The following TINAGL1 variants were observed in gnomAD, a reference collection of about 807,000 sequenced individuals.
TINAGL1 encodes the protein tubulointerstitial nephritis antigen-like.
TINAGL1 carries 34 observed loss-of-function variants against 62.0 expected under a neutral mutation model. The ratio of observed to expected loss-of-function variants is 0.55; its 90% CI spans 0.42 to 0.73. The LOEUF is 0.73. Among genes scored for constraint, TINAGL1 ranks in the 30% least tolerant of loss-of-function variants. The pLI is 0.00. For synonymous variants in TINAGL1, 221 were observed against 249.7 expected (o/e 0.88, Z 1.08); for missense variants, 516 against 653.2 (o/e 0.79, Z 2.29).
chr1:31,579,142 C>A, intron 2 of TINAGL1, 62 bp from the exon 3 acceptor site: 1 of 1,391,758 alleles, frequency 7.2e-7, no homozygotes, highest in Non-Finnish European at 1.0e-6. Flanking sequence ...CTCCAAGGAC[C>A]TGGCCAATTA....
rs781646136 is a variant in TINAGL1, at chr1:31,585,132, C to T, written c.858-19C>T. The T allele has an allele frequency of 1.9e-6, 3 of 1,564,900 alleles. No individual in the cohort carries two copies. The highest frequency in any genetic ancestry group is 2.6e-6 in the Non-Finnish European group (3 of 1,152,252). On this transcript the variant is annotated intron_variant, in intron 7 of 11. Transcript: ENST00000271064. The surrounding 1 kb of genome is among the most constrained non-coding windows in gnomAD (Gnocchi z 4.3). Reference sequence around the variant, plus strand: ...GCACTGAGTCTTTCTGCCTTTGCTCCCTCTTGCTGCCTTTGCAGGGTGGTG... The same window carrying T: ...GCACTGAGTCTTTCTGCCTTTGCTCTCTCTTGCTGCCTTTGCAGGGTGGTG...
At chr1:31,580,323 C>T (rs1175860902) in intron 3 of TINAGL1, 1 of 1,271,484 alleles carries the variant, frequency 7.9e-7, no homozygotes, top group Non-Finnish European at 1.0e-6. Flanking sequence ...CTACCACCGG[C>T]CCTGCCTGGA....
At chr1:31,580,114 C>T (rs1048641680) in intron 3 of TINAGL1, among the ~76,000 whole-genome samples, 2 of 149,982 alleles carry the variant, frequency 1.3e-5, no homozygotes, top group South Asian at 2.1e-4. Flanking sequence ...GCCTGGCCCG[C>T]GTCTGCAGGT....
chr1:31,578,644 T>C (rs113192613), intron 2 of TINAGL1, among the ~76,000 whole-genome samples: 5 of 135,558 alleles, frequency 3.7e-5, no homozygotes, highest in East Asian at 2.5e-4. Context: ...ATAGTTTAAT[T>C]TCAGTGAGAG....
Position 31,585,412 on chromosome 1 carries a change from T to C in TINAGL1, c.1048-28T>C. On this transcript the variant is annotated intron_variant, in intron 8 of 11. Transcript: ENST00000271064. The surrounding 1 kb of genome is among the most constrained non-coding windows in gnomAD (Gnocchi z 4.3). Reference sequence around the variant, plus strand: ...AGCCTGGAGTCTCACCCCTGACGTATGCTCTCTGTCCATCCCCTGCCCTCC... The same window carrying C: ...AGCCTGGAGTCTCACCCCTGACGTACGCTCTCTGTCCATCCCCTGCCCTCC... The C allele has an allele frequency of 1.2e-6, 2 of 1,613,448 alleles. No individual in the cohort carries two copies. Among genetic ancestry groups the C allele is most frequent in the Non-Finnish European group, 1.7e-6 (2 of 1,179,654 alleles).
intron 3 of TINAGL1, chr1:31,580,187 C>CTA (rs1557557742): frequency 2.4e-6 from 1 of 417,506 alleles, no homozygotes; most frequent in Non-Finnish European, 3.2e-6. Flanking sequence ...CTCTCTCTCT[C>CTA]TCTCTCTCTC....
At chr1:31,586,671 A>G (rs1267569777) in intron 10 of TINAGL1, 39 bp from the exon 11 acceptor site, 9 of 1,554,688 alleles carry the variant, frequency 5.8e-6, no homozygotes, top group Admixed American at 3.9e-5. Context: ...GAGAGCAGGT[A>G]GACCCAGCTC....
chr1:31,580,787 A>G, intron 3 of TINAGL1: 9 of 1,204,066 alleles, frequency 7.5e-6, no homozygotes, highest in Non-Finnish European at 8.5e-6. Flanking sequence ...TTCAGTCGGC[A>G]CCTATTATTA....
chr1:31,586,695 C>T lies in TINAGL1; in HGVS notation c.1218-15C>T, dbSNP rs1162321424. 6.4e-7 allele frequency: 1 copy of T among 1,557,420 alleles called. No individual in the cohort carries two copies. The highest frequency in any genetic ancestry group is 8.7e-7 in the Non-Finnish European group (1 of 1,150,146). ...TAGACCCAGCTCCCTTCCCCCTCCT[C>T]TGCTCTGCCCACAGATGGGGAGAGG... On this transcript the variant is annotated splice_polypyrimidine_tract_variant and intron_variant, in intron 10 of 11. Coordinates refer to ENST00000271064, the MANE Select transcript of TINAGL1 (RefSeq NM_022164.3).
chr1:31,586,977 T>C lies in TINAGL1; in HGVS notation c.1402T>C (p.Ter468ArgextTer140), dbSNP rs1327954109. ...GGGCATGGAGGACATGGGTCATCAC[T>C]GAGGCTGCGGGCACCACGCGGGGTC... ...RVGMEDMGHH[*>R] is the part of the protein sequence containing the mutation. Residue 468 changes from the stop codon to arginine (R), a stop_lost, in exon 12 of 12, where the codon TGA (stop) becomes CGA (arginine). Coordinates refer to ENST00000271064, the MANE Select transcript of TINAGL1 (RefSeq NM_022164.3). The C allele has an allele frequency of 2.0e-6, 3 of 1,493,052 alleles. No homozygotes were observed. The highest frequency in any genetic ancestry group is 2.7e-6 in the Non-Finnish European group (3 of 1,124,996). The allele number at this position is 1,493,052 out of a possible 1,614,324, so 92.5% of individuals were successfully genotyped here.
chr1:31,587,134 C>G lies in TINAGL1; in HGVS notation c.*155C>G. The G allele has an allele frequency of 2.6e-6, 3 of 1,176,346 alleles. No individual in the cohort carries two copies. Among genetic ancestry groups the G allele is most frequent in the Non-Finnish European group, 3.3e-6 (3 of 922,728 alleles). 72.9% of individuals were successfully genotyped at this position (1,176,346 alleles called of 1,614,324 possible). A position where few individuals can be genotyped will look rare whatever the true frequency, so the allele number is the denominator to read the frequency against. On this transcript the variant is annotated 3_prime_UTR_variant, in exon 12 of 12. Coordinates refer to ENST00000271064, the MANE Select transcript of TINAGL1 (RefSeq NM_022164.3). ...CCCGGCGCGGGTTCCGCTGACGCAG[C>G]GCCCCGCCTGGGAGCCGCGGGCAGG... is the stretch of plus-strand genomic sequence containing the variant.
Position 31,585,724 on chromosome 1 carries a change from G to A in TINAGL1, c.1094-29G>A, listed in dbSNP as rs1168673574. ...TCCAGTGCCTGTGCCAACGGGCTGAGTGGACCCTACCTTGACATCTGCCCA... is the reference window on the plus strand; with the variant it reads ...TCCAGTGCCTGTGCCAACGGGCTGAATGGACCCTACCTTGACATCTGCCCA... On this transcript the variant is annotated intron_variant, in intron 9 of 11. Transcript: ENST00000271064. The surrounding 1 kb of genome is among the most constrained non-coding windows in gnomAD (Gnocchi z 4.3). 2.5e-6 allele frequency: 4 copies of A among 1,606,414 alleles called. No individual in the cohort carries two copies. Among genetic ancestry groups the A allele is most frequent in the African/African-American group, 2.7e-5 (2 of 74,776 alleles).
intron 10 of TINAGL1, chr1:31,586,110 A>T: frequency 2.2e-6 from 1 of 449,650 alleles, no homozygotes; most frequent in African/African-American, 2.0e-5. Context: ...GGATAAAATA[A>T]CTCCAATATG....
intron 3 of TINAGL1, among the ~76,000 whole-genome samples, chr1:31,581,377 G>C (rs931799923): frequency 1.3e-5 from 2 of 152,166 alleles, no homozygotes; most frequent in African/African-American, 4.8e-5. Context: ...GACGGGAGTA[G>C]GGTGGCCACA....
rs1639002960 is a variant in TINAGL1 at position 31,577,270 on chromosome 1, GGGACGCGGGAGGCCGGTACTGCCA to G, written c.126_149del (p.Asp42_Gln49del). On this transcript the variant is annotated inframe_deletion, in exon 2 of 12. Coordinates refer to ENST00000271064, the MANE Select transcript of TINAGL1 (RefSeq NM_022164.3). This position sits in a 1 kb window ranked among gnomAD's most constrained non-coding sequence, Gnocchi z 5.4. ...CCGGGTCTGCACCTGCGGGGCATCC[GGGACGCGGGAGGCCGGTACTGCCA>G]GGAGCAGGACCTGTGCTGCCGCGGC... 6.2e-7 allele frequency: 1 copy of G among 1,611,774 alleles called. No homozygotes were observed. The highest frequency in any genetic ancestry group is 1.3e-5 in the African/African-American group (1 of 74,926).
At position 31,585,279 on chromosome 1, in the gene TINAGL1, A is replaced by G. The variant is rs764799835; in HGVS notation, c.986A>G (p.Asn329Ser). 5.6e-6 allele frequency: 9 copies of G among 1,613,128 alleles called. No homozygotes were observed. Among genetic ancestry groups the G allele is most frequent in the Non-Finnish European group, 7.6e-6 (9 of 1,179,540 alleles). Residue 329 changes from asparagine to serine, a missense_variant, in exon 8 of 12, where the codon AAC becomes AGC. Coordinates refer to ENST00000271064, the MANE Select transcript of TINAGL1 (RefSeq NM_022164.3). The surrounding 1 kb of genome is among the most constrained non-coding windows in gnomAD (Gnocchi z 4.3). ...CGCCAGGCCACTGCCCACTGCCCCA[A>G]CAGCTATGTTAATAACAATGACATC... is the stretch of plus-strand genomic sequence containing the variant. ...GKRQATAHCP[N>S]SYVNNNDIYQ...
intron 3 of TINAGL1, chr1:31,580,857 G>A (rs1639226402): frequency 9.3e-7 from 1 of 1,079,480 alleles, no homozygotes; most frequent in Non-Finnish European, 1.2e-6. Context: ...GAATGCAACA[G>A]ACACAGTCCT....
rs187942695 is a variant in TINAGL1, at chr1:31,584,056, G to T, written c.582+481G>T. Reference sequence around the variant, plus strand: ...ATGAAAACCAGGCCCAAAGTGAAAGGGTGAGGAAGGGGAGCTTCAGCAGGC... The same window carrying T: ...ATGAAAACCAGGCCCAAAGTGAAAGTGTGAGGAAGGGGAGCTTCAGCAGGC... On this transcript the variant is annotated intron_variant, in intron 5 of 11. Coordinates refer to ENST00000271064, the MANE Select transcript of TINAGL1 (RefSeq NM_022164.3). This position sits in a 1 kb window ranked among gnomAD's most constrained non-coding sequence, Gnocchi z 4.0. 12 of 169,914 alleles carry T rather than the reference G, an allele frequency of 7.1e-5. No homozygotes were observed. The East Asian group carries it at 1.8e-3, about 25-fold the overall frequency. 10.5% of individuals were successfully genotyped at this position (169,914 alleles called of 1,614,324 possible).
chr1:31,579,165 T>C lies in TINAGL1; in HGVS notation c.311-39T>C, dbSNP rs1363559582. On this transcript the variant is annotated intron_variant, in intron 2 of 11. Coordinates refer to ENST00000271064, the MANE Select transcript of TINAGL1 (RefSeq NM_022164.3). ...ACCTGGCCAATTAGCCCATCCTCTCTGGTTCTGGTTCCACTTCTCTTCTCT... is the reference window on the plus strand; with the variant it reads ...ACCTGGCCAATTAGCCCATCCTCTCCGGTTCTGGTTCCACTTCTCTTCTCT... The C allele has an allele frequency of 3.8e-6, 6 of 1,579,818 alleles. No individual in the cohort carries two copies. The African/African-American group carries it at 6.7e-5, about 18-fold the overall frequency.
Sources: allele counts gnomAD v4.1 joint callset (sites outside exome capture counted in the v4.1 genomes callset), GRCh38; gene constraint gnomAD v4.1.1; non-coding constraint Gnocchi (gnomAD v3.1); transcripts MANE v1.5; gene names NCBI Gene and HGNC (gene_info 2026-07-23, HGNC 2026-07-21).